Variants in CHAF1B observed in about 807,000 individuals in gnomAD.
CHAF1B encodes the protein chromatin assembly factor 1 subunit B.
A neutral mutation model predicts 60.7 loss-of-function variants in CHAF1B; 10 were observed. That is an observed-to-expected ratio of 0.16 (90% CI 0.10 to 0.28). The LOEUF (loss-of-function observed/expected upper bound fraction) is 0.28, where lower values mean the gene tolerates loss of function less well. Ranked by LOEUF, CHAF1B falls within the 10% of genes least tolerant of loss-of-function variation. The pLI, the probability that CHAF1B is intolerant of heterozygous loss-of-function variation, is 1.00. For synonymous variants in CHAF1B, 261 were observed against 266.1 expected, an observed-to-expected ratio of 0.98 and a Z score of 0.19; for missense variants, 558 against 708.4, an observed-to-expected ratio of 0.79 and a Z score of 2.41.
chr21:36,415,794 C>T (rs922270957), intron 13 of CHAF1B: 1 of 401,128 alleles, frequency 2.5e-6, no homozygotes, highest in African/African-American at 2.1e-5. Context: ...GCTCTGTCGC[C>T]CAGGCTGGAA....
intron 7 of CHAF1B, among the ~76,000 whole-genome samples, chr21:36,400,245 TGAGGC>T (rs2086176255): frequency 6.6e-6 from 1 of 151,996 alleles, no homozygotes. Flanking sequence ...TTTGGGAGGC[TGAGGC>T]AGGTGGATCA....
chr21:36,398,477 A>T (rs1307270179), intron 6 of CHAF1B, among the ~76,000 whole-genome samples: 1 of 152,114 alleles, frequency 6.6e-6, no homozygotes, highest in Non-Finnish European at 1.5e-5. Context: ...CTCCTGCCTC[A>T]TCCTCCTGAG....
intron 5 of CHAF1B, among the ~76,000 whole-genome samples, chr21:36,395,982 C>T (rs752545715): frequency 3.3e-5 from 5 of 151,406 alleles, no homozygotes; most frequent in African/African-American, 4.9e-5. Flanking sequence ...CTCCATCCTC[C>T]GTTCTGTCTT....
At chr21:36,403,603 G>T (rs958862596) in intron 8 of CHAF1B, among the ~76,000 whole-genome samples, 1 of 151,900 alleles carries the variant, frequency 6.6e-6, no homozygotes, top group South Asian at 2.1e-4. Flanking sequence ...TCAATAAAGC[G>T]CATTTGTGAC....
intron 8 of CHAF1B, among the ~76,000 whole-genome samples, chr21:36,408,339 G>C (rs1048223057): frequency 5.3e-5 from 8 of 152,188 alleles, no homozygotes; most frequent in African/African-American, 1.9e-4. Context: ...GGAAAGGCGA[G>C]TCTCAGCCTT....
intron 8 of CHAF1B, among the ~76,000 whole-genome samples, chr21:36,404,340 C>T (rs1435065460): frequency 6.6e-6 from 1 of 150,554 alleles, no homozygotes; most frequent in Non-Finnish European, 1.5e-5. Context: ...ACCTTGTGAT[C>T]CGCCTGCCTT....
Position 36,416,391 on chromosome 21 carries a change from C to G in CHAF1B, c.*25C>G, listed in dbSNP as rs181653099. The G allele has an allele frequency of 1.9e-4, 303 of 1,597,608 alleles. No individual in the cohort carries two copies. The African/African-American group carries it at 3.6e-3, about 19-fold the overall frequency. ...ATGGGACCTCGGCTTCTGCTCGAAG[C>G]CTACCAGGCTCCCGGTGTGTGCAGG... On this transcript the variant is annotated 3_prime_UTR_variant, in exon 14 of 14. Transcript: ENST00000314103.
intron 7 of CHAF1B, among the ~76,000 whole-genome samples, 161 bp from the exon 8 acceptor site, chr21:36,402,597 G>T (rs747255684): frequency 4.6e-5 from 7 of 152,136 alleles, no homozygotes; most frequent in Non-Finnish European, 1.0e-4. Context: ...TTTCATTTAT[G>T]ATTATGTCAA....
At chr21:36,387,094 C>T (rs1442142052) in intron 2 of CHAF1B, among the ~76,000 whole-genome samples, 1 of 152,074 alleles carries the variant, frequency 6.6e-6, no homozygotes, top group Non-Finnish European at 1.5e-5. Context: ...CTGGTTCCTA[C>T]TGGGTAACAA....
At chr21:36,395,326 G>T (rs1174714514) in intron 5 of CHAF1B, among the ~76,000 whole-genome samples, 2 of 152,246 alleles carry the variant, frequency 1.3e-5, no homozygotes, top group Non-Finnish European at 2.9e-5. Flanking sequence ...GGGATTACAG[G>T]CATGAGCCAC....
At chr21:36,392,274 G>A (rs1360919055) in intron 4 of CHAF1B, among the ~76,000 whole-genome samples, 2 of 152,204 alleles carry the variant, frequency 1.3e-5, no homozygotes. Flanking sequence ...TCCCAAGGCA[G>A]AAGAATTTTT....
chr21:36,390,392 C>T (rs916305978), intron 3 of CHAF1B, among the ~76,000 whole-genome samples: 2 of 151,294 alleles, frequency 1.3e-5, no homozygotes, highest in African/African-American at 4.9e-5. Flanking sequence ...GTCCTCACAA[C>T]CTCATTCATT....
intron 11 of CHAF1B, 118 bp downstream of exon 11, chr21:36,411,722 A>G: frequency 8.3e-7 from 1 of 1,204,738 alleles, no homozygotes; most frequent in East Asian, 2.4e-5. Flanking sequence ...CATATTCACC[A>G]ATTTTGTTTC....
intron 3 of CHAF1B, among the ~76,000 whole-genome samples, chr21:36,390,936 G>A (rs985402966): frequency 4.6e-5 from 7 of 152,128 alleles, no homozygotes; most frequent in Admixed American, 1.3e-4. Flanking sequence ...CATTACAGGC[G>A]TGAGCCACCC....
At chr21:36,400,603 C>G (rs994934169) in intron 7 of CHAF1B, among the ~76,000 whole-genome samples, 27 of 152,134 alleles carry the variant, frequency 1.8e-4, no homozygotes, top group Non-Finnish European at 3.2e-4. Flanking sequence ...AAGGGCTGGT[C>G]ACTACTGATC....
intron 4 of CHAF1B, among the ~76,000 whole-genome samples, chr21:36,391,907 A>ATTTTTTTTTTTTTTTTTTTTT (rs55920360): frequency 1.5e-5 from 1 of 67,052 alleles, no homozygotes; most frequent in Non-Finnish European, 2.5e-5. Context: ...TGATTTTTAA[A>ATTTTTTTTTTTTTTTTTTTTT]TTTTTTTTTT....
intron 8 of CHAF1B, among the ~76,000 whole-genome samples, chr21:36,407,451 C>T (rs889734915): frequency 1.3e-5 from 2 of 152,038 alleles, no homozygotes; most frequent in South Asian, 2.1e-4. Context: ...AAAAATAATG[C>T]ATCAGTGCTA....
At position 36,386,307 on chromosome 21, in the gene CHAF1B, AAT is replaced by A. The variant is rs778748692; in HGVS notation, c.126+47_126+48del. The stretch of plus-strand genomic sequence containing the variant: ...GACATCCGGGAACACTGCTTGAAGC[AAT>A]AGTTTTCATTCTTTTACTTAAAACC... On this transcript the variant is annotated intron_variant, in intron 2 of 13. Coordinates refer to ENST00000314103, the MANE Select transcript of CHAF1B (RefSeq NM_005441.3). 1.3e-5 allele frequency: 21 copies of A among 1,598,534 alleles called. No individual in the cohort carries two copies. In the African/African-American group the frequency reaches 1.9e-4, roughly 14 times the overall value.
intron 5 of CHAF1B, among the ~76,000 whole-genome samples, chr21:36,396,610 C>T (rs945263589): frequency 2.0e-5 from 3 of 150,486 alleles, no homozygotes; most frequent in African/African-American, 4.9e-5. Context: ...GCTCTGACGG[C>T]GCCACTGCAC....
Sources: allele counts gnomAD v4.1 joint callset (sites outside exome capture counted in the v4.1 genomes callset), GRCh38; gene constraint gnomAD v4.1.1; transcripts MANE v1.5; gene names NCBI Gene and HGNC (gene_info 2026-07-23, HGNC 2026-07-21).